MCTP2: variants seen among roughly 807,000 people sequenced by gnomAD.
MCTP2 encodes the protein multiple C2 and transmembrane domain containing 2, also known as multiple C2 and transmembrane domain-containing protein 2.
A neutral mutation model predicts 111.6 loss-of-function variants in MCTP2; 132 were observed. The observed-to-expected ratio is 1.18, with a 90% confidence interval of 1.03 to 1.37. MCTP2 has a LOEUF of 1.37. Ranked by LOEUF, MCTP2 falls within the 40% of genes most tolerant of loss-of-function variation. The probability of loss-of-function intolerance (pLI) is 0.00; values close to 1 mark genes in which losing one functional copy is unlikely to be tolerated. For synonymous variants in MCTP2, 395 were observed against 387.7 expected (o/e 1.02, Z -0.22); for missense variants, 1,183 against 1,067.9 (o/e 1.11, Z -1.50).
At chr15:94,311,334 A>AT (rs1445097946) in intron 2 of MCTP2, among the ~76,000 whole-genome samples, 61 of 152,162 alleles carry the variant, frequency 4.0e-4, no homozygotes, top group African/African-American at 1.4e-3. Context: ...GCCTAGGAAC[A>AT]TTTTTTAAAA....
intron 1 of MCTP2, among the ~76,000 whole-genome samples, chr15:94,243,408 T>C (rs62647211): frequency 0.17 from 12,043 of 70,252 alleles, 2,787 homozygotes; most frequent in African/African-American, 0.22. Context: ...CGTATGTACA[T>C]ACATACGTAT....
upstream of MCTP2, chr15:94,231,482 T>TA (rs5814637): frequency 1 from 152,389 of 152,392 alleles, 76,193 homozygotes; most frequent in Non-Finnish European, 1. Context: ...TCCTCCCCTT[T>TA]AGGCGGGGCT....
intron 17 of MCTP2, among the ~76,000 whole-genome samples, chr15:94,422,935 A>T (rs1179949762): frequency 6.6e-6 from 1 of 152,026 alleles, no homozygotes; most frequent in East Asian, 1.9e-4. Context: ...GGCTCAAGGG[A>T]TCCTCCTGCT....
intron 17 of MCTP2, chr15:94,402,728 G>T (rs1347169475): frequency 1.4e-6 from 2 of 1,437,422 alleles, no homozygotes; most frequent in East Asian, 5.0e-5. Context: ...GATCAAATTG[G>T]TAATGTCAGC....
chr15:94,251,548 G>A (rs761531799), intron 1 of MCTP2, among the ~76,000 whole-genome samples: 2 of 151,102 alleles, frequency 1.3e-5, no homozygotes, highest in Non-Finnish European at 2.9e-5. Flanking sequence ...TAGTAGAGAC[G>A]GGGTTTCTCC....
At chr15:94,331,612 A>G (rs777264836) in intron 4 of MCTP2, among the ~76,000 whole-genome samples, 15 of 152,204 alleles carry the variant, frequency 9.9e-5, no homozygotes, top group Admixed American at 2.0e-4. Context: ...TATAAACTTT[A>G]TAAATAGTTA....
intron 12 of MCTP2, among the ~76,000 whole-genome samples, chr15:94,375,657 G>A (rs2079730285): frequency 6.6e-6 from 1 of 152,030 alleles, no homozygotes; most frequent in African/African-American, 2.4e-5. Flanking sequence ...TGGTAATAAA[G>A]GTGTCACTTG....
chr15:94,452,724 T>C (rs546097984), intron 19 of MCTP2, among the ~76,000 whole-genome samples: 15 of 152,294 alleles, frequency 9.8e-5, no homozygotes, highest in Admixed American at 9.2e-4. Context: ...TAATGGAAGA[T>C]ATTAATGAAG....
intron 1 of MCTP2, among the ~76,000 whole-genome samples, chr15:94,262,094 A>G (rs2073219725): frequency 6.6e-6 from 1 of 152,142 alleles, no homozygotes; most frequent in East Asian, 1.9e-4. Flanking sequence ...GTAGTCTTTT[A>G]TTCAGGGTAA....
At chr15:94,473,619 A>G (rs2074106293) in intron 21 of MCTP2, among the ~76,000 whole-genome samples, 1 of 152,182 alleles carries the variant, frequency 6.6e-6, no homozygotes, top group Non-Finnish European at 1.5e-5. Flanking sequence ...TTTCACTTCT[A>G]GTTGAAACCA....
rs1362560089 is a variant in MCTP2, at chr15:94,356,194, A to G, written c.1063A>G (p.Asn355Asp). ...SESLKKNQLW[N>D]GIISITLLEG... ...GTCCTTGAAAAAGAACCAACTCTGG[A>G]ACGGGATTATAAGTATAACTTTGTT... The change falls in exon 9 of 23, where the codon AAC becomes GAC. Residue 355 changes from asparagine to aspartate, a missense_variant. Transcript: ENST00000357742. 6.2e-7 allele frequency: 1 copy of G among 1,613,494 alleles called. No individual in the cohort carries two copies. Among genetic ancestry groups the G allele is most frequent in the Non-Finnish European group, 8.5e-7 (1 of 1,179,650 alleles).
At chr15:94,417,909 A>G (rs1461954875) in intron 17 of MCTP2, among the ~76,000 whole-genome samples, 1 of 152,116 alleles carries the variant, frequency 6.6e-6, no homozygotes, top group African/African-American at 2.4e-5. Context: ...GTACAGAGCT[A>G]TTGCAGGCTT....
chr15:94,358,950 T>C (rs2078775437), intron 10 of MCTP2, among the ~76,000 whole-genome samples: 1 of 152,202 alleles, frequency 6.6e-6, no homozygotes, highest in South Asian at 2.1e-4. Flanking sequence ...TGTTATATAA[T>C]TTAGTAAAGG....
intron 1 of MCTP2, among the ~76,000 whole-genome samples, chr15:94,245,676 A>G (rs1471009851): frequency 6.8e-6 from 1 of 146,696 alleles, no homozygotes; most frequent in Non-Finnish European, 1.5e-5. Context: ...GTATATACAT[A>G]TGTATGTGTA....
chr15:94,245,384 G>GTGTATA (rs2071811531), intron 1 of MCTP2, among the ~76,000 whole-genome samples: 4 of 129,764 alleles, frequency 3.1e-5, no homozygotes, highest in African/African-American at 8.8e-5. Flanking sequence ...ATATGTATAT[G>GTGTATA]TATTTATATA....
At chr15:94,308,511 G>C (rs1008487318) in intron 2 of MCTP2, among the ~76,000 whole-genome samples, 1 of 152,296 alleles carries the variant, frequency 6.6e-6, no homozygotes, top group Admixed American at 6.5e-5. Context: ...TTGCCAATTG[G>C]GGAGACTAAT....
intron 1 of MCTP2, among the ~76,000 whole-genome samples, chr15:94,241,157 G>A (rs371840120): frequency 3.3e-5 from 5 of 151,836 alleles, no homozygotes; most frequent in South Asian, 4.2e-4. Context: ...ATGTAGAGTC[G>A]GTGGCTTTCT....
intron 14 of MCTP2, among the ~76,000 whole-genome samples, chr15:94,388,196 T>G (rs2080629998): frequency 6.6e-6 from 1 of 152,212 alleles, no homozygotes; most frequent in Non-Finnish European, 1.5e-5. Context: ...AAGTGCTGTG[T>G]ACATCCAGGA....
At chr15:94,319,583 C>A (rs1180818447) in intron 4 of MCTP2, among the ~76,000 whole-genome samples, 10 of 152,130 alleles carry the variant, frequency 6.6e-5, no homozygotes, top group African/African-American at 2.2e-4. Context: ...CTTGGAGAAC[C>A]TTTGCTCTAG....
Sources: gnomAD v4.1 joint callset for allele counts (sites outside exome capture counted in the v4.1 genomes callset) on GRCh38, gnomAD v4.1.1 for gene constraint, MANE v1.5 for transcripts, NCBI Gene and HGNC (gene_info 2026-07-23, HGNC 2026-07-21) for gene names.